Variants in PLXNA4 observed in about 807,000 individuals in gnomAD.
PLXNA4 encodes the protein plexin-A4.
A neutral mutation model predicts 191.8 loss-of-function variants in PLXNA4; 44 were observed. The ratio of observed to expected loss-of-function variants is 0.23; its 90% CI spans 0.18 to 0.29. PLXNA4 has a LOEUF of 0.29. PLXNA4 is among the 10% of genes least tolerant of loss of function. PLXNA4 has a pLI of 1.00. For synonymous variants in PLXNA4, 1,082 were observed against 1,009.5 expected, an observed-to-expected ratio of 1.07 and a Z score of -1.36; for missense variants, 1,800 against 2,488.8, an observed-to-expected ratio of 0.72 and a Z score of 5.89.
At chr7:132,375,297 C>A (rs145732237) in intron 3 of PLXNA4, among the ~76,000 whole-genome samples, 2 of 152,204 alleles carry the variant, frequency 1.3e-5, no homozygotes, top group Non-Finnish European at 2.9e-5. Context: ...CCCCCACGCC[C>A]CAGCCCTCAA....
intron 3 of PLXNA4, among the ~76,000 whole-genome samples, chr7:132,427,608 T>C (rs1394143860): frequency 1.3e-5 from 2 of 152,196 alleles, no homozygotes; most frequent in African/African-American, 4.8e-5. Context: ...TATCCATCTT[T>C]ACTGGCAGCT....
chr7:132,176,294 T>C (rs1433298590), intron 20 of PLXNA4, among the ~76,000 whole-genome samples: 5 of 152,218 alleles, frequency 3.3e-5, no homozygotes, highest in Admixed American at 3.3e-4. Flanking sequence ...GTTCCTGATA[T>C]GTAGGCTGAT....
intron 3 of PLXNA4, among the ~76,000 whole-genome samples, chr7:132,426,521 T>A (rs2117172486): frequency 6.6e-6 from 1 of 152,328 alleles, no homozygotes; most frequent in African/African-American, 2.4e-5. Context: ...TTGCATTCTA[T>A]ACATGGAAAC....
chr7:132,257,564 G>A (rs1799476589), intron 4 of PLXNA4, among the ~76,000 whole-genome samples: 1 of 152,224 alleles, frequency 6.6e-6, no homozygotes, highest in Non-Finnish European at 1.5e-5. Flanking sequence ...CATATCCTGA[G>A]GCAACTGCTG....
At chr7:132,540,377 A>G (rs1800017835) in intron 1 of PLXNA4, among the ~76,000 whole-genome samples, 1 of 151,982 alleles carries the variant, frequency 6.6e-6, no homozygotes, top group South Asian at 2.1e-4. Flanking sequence ...TTCAAATCTC[A>G]TTTAACATGC....
chr7:132,530,762 C>A lies in PLXNA4; in HGVS notation c.-86-21983G>T, dbSNP rs368787081. Among the ~76,000 whole-genome samples, 237 of 152,264 alleles carry A rather than the reference C, an allele frequency of 1.6e-3. 4 individuals are homozygous for A. The South Asian group carries it at 0.046, about 30-fold the overall frequency. Reference sequence around the variant, plus strand: ...CTAAGTATATTCCAAAACAGAAATTCAGACAGATATTTGTACAACAATGTT... The same window carrying A: ...CTAAGTATATTCCAAAACAGAAATTAAGACAGATATTTGTACAACAATGTT... On this transcript the variant is annotated intron_variant, in intron 1 of 31. Coordinates refer to ENST00000321063, the MANE Select transcript of PLXNA4 (RefSeq NM_020911.2).
intron 3 of PLXNA4, among the ~76,000 whole-genome samples, chr7:132,407,133 T>C (rs1260493066): frequency 6.6e-6 from 1 of 152,218 alleles, no homozygotes; most frequent in Non-Finnish European, 1.5e-5. Flanking sequence ...TCTCATTTAT[T>C]CTGGTAGTCC....
intron 4 of PLXNA4, among the ~76,000 whole-genome samples, chr7:132,284,133 A>G: frequency 6.6e-6 from 1 of 152,244 alleles, no homozygotes; most frequent in East Asian, 1.9e-4. Flanking sequence ...TGATGGCACC[A>G]GTGCACTCCA....
At chr7:132,150,345 G>A (rs1015849443) in intron 25 of PLXNA4, among the ~76,000 whole-genome samples, 5 of 152,220 alleles carry the variant, frequency 3.3e-5, no homozygotes, top group Admixed American at 6.5e-5. Context: ...TTGGAGCAAA[G>A]GAAGAGGAAT....
chr7:132,644,541 G>T (rs1166533539), intron 2 of PLXNA4, among the ~76,000 whole-genome samples: 1 of 152,192 alleles, frequency 6.6e-6, no homozygotes, highest in Non-Finnish European at 1.5e-5. Context: ...CATCAAAGGG[G>T]CTGGGTGACC....
At chr7:132,294,017 AC>A (rs1800986134) in intron 4 of PLXNA4, among the ~76,000 whole-genome samples, 1 of 152,238 alleles carries the variant, frequency 6.6e-6, no homozygotes, top group Non-Finnish European at 1.5e-5. Flanking sequence ...AGACTAAAAA[AC>A]AAAAAATCAT....
intron 3 of PLXNA4, among the ~76,000 whole-genome samples, chr7:132,442,509 A>G (rs535739668): frequency 6.6e-6 from 1 of 152,238 alleles, no homozygotes; most frequent in South Asian, 2.1e-4. Flanking sequence ...AACTTTCCCC[A>G]CCACCTACGT....
chr7:132,352,843 C>T (rs1324379541), intron 3 of PLXNA4, among the ~76,000 whole-genome samples: 2 of 152,182 alleles, frequency 1.3e-5, no homozygotes, highest in Non-Finnish European at 2.9e-5. Context: ...GTACAAATTT[C>T]AGATCTTTCT....
intron 4 of PLXNA4, among the ~76,000 whole-genome samples, chr7:132,245,647 G>A (rs1799023951): frequency 1.3e-5 from 2 of 152,158 alleles, no homozygotes; most frequent in Non-Finnish European, 2.9e-5. Flanking sequence ...GTTCATAGTG[G>A]AACTACTCAC....
At chr7:132,647,179 A>ACT (rs201526450) in intron 1 of PLXNA4, among the ~76,000 whole-genome samples, 17 of 150,288 alleles carry the variant, frequency 1.1e-4, no homozygotes, top group African/African-American at 3.5e-4. Flanking sequence ...ACAAACCCAC[A>ACT]GTCATACATT....
chr7:132,283,063 ATTTCACCACG>A (rs2116409061), intron 4 of PLXNA4, among the ~76,000 whole-genome samples: 1 of 152,072 alleles, frequency 6.6e-6, no homozygotes, highest in African/African-American at 2.4e-5. Flanking sequence ...TAGAGACAGG[ATTTCACCACG>A]TTGCCCAGGC....
At chr7:132,389,883 G>C (rs1805325976) in intron 3 of PLXNA4, among the ~76,000 whole-genome samples, 1 of 152,180 alleles carries the variant, frequency 6.6e-6, no homozygotes, top group African/African-American at 2.4e-5. Context: ...TCTCACACCA[G>C]TTAGATTGGT....
rs186082420 is a variant in PLXNA4 at position 132,585,367 on chromosome 7, T to C, written c.-87+60561A>G. On this transcript the variant is annotated intron_variant, in intron 2 of 4. Transcript: ENST00000378539. ...AAGCTCCATAGTGTTATTAATGTTA[T>C]CAGGAACTGTGTAGGGAGAGACAAA... 5.3e-5 allele frequency among the ~76,000 whole-genome samples: 8 copies of C among 152,296 alleles called. No individual in the cohort carries two copies. The East Asian group carries it at 1.5e-3, about 29-fold the overall frequency.
chr7:132,236,715 G>A (rs1318660584), intron 5 of PLXNA4, among the ~76,000 whole-genome samples: 1 of 152,110 alleles, frequency 6.6e-6, no homozygotes, highest in African/African-American at 2.4e-5. Context: ...ATTTGTGAGT[G>A]TGGACACAGC....
Sources: gnomAD v4.1 joint callset for allele counts (sites outside exome capture counted in the v4.1 genomes callset) on GRCh38, gnomAD v4.1.1 for gene constraint, MANE v1.5 for transcripts, NCBI Gene and HGNC (gene_info 2026-07-23, HGNC 2026-07-21) for gene names.